The following LRRC37B variants were observed in gnomAD, a reference collection of about 807,000 sequenced individuals.
LRRC37B encodes leucine rich repeat containing 37B.
LRRC37B carries 28 observed loss-of-function variants against 98.3 expected under a neutral mutation model. The ratio of observed to expected loss-of-function variants is 0.28; its 90% CI spans 0.21 to 0.39. The LOEUF (loss-of-function observed/expected upper bound fraction) is 0.39. Ranked by LOEUF, LRRC37B falls within the 10% of genes least tolerant of loss-of-function variation. LRRC37B has a pLI of 1.00. For synonymous variants in LRRC37B, 364 were observed against 442.7 expected, an observed-to-expected ratio of 0.82 and a Z score of 2.23; for missense variants, 938 against 1,182.7, an observed-to-expected ratio of 0.79 and a Z score of 3.03.
chr17:32,040,495 G>T (rs1455278075), intron 7 of LRRC37B: 9 of 676,086 alleles, frequency 1.3e-5, no homozygotes, highest in Admixed American at 5.5e-5. Flanking sequence ...CAGTGAGAAG[G>T]TCGGAGGGGC....
At position 32,022,309 on chromosome 17, in the gene LRRC37B, A is replaced by C. The variant is rs140109047; in HGVS notation, c.1244A>C (p.Asp415Ala). ...TCTTCTACAGCCCTGAGGACTACAG[A>C]TCCTCCTCCAGAACACCCTGAGGTG... Residue 415 changes from aspartate (D) to alanine (A), a missense_variant, in exon 1 of 12, where the codon GAT (aspartate) becomes GCT (alanine). Physicochemically the swap from Asp to Ala is moderately radical, Grantham distance 126 (BLOSUM62 -2). This residue lies in a region of LRRC37B where 610 missense variants were observed against 625.6 expected (regional missense o/e 0.98). Transcript: ENST00000327564. 8.0e-5 allele frequency: 129 copies of C among 1,613,886 alleles called. No homozygotes were observed. In the Middle Eastern group the frequency reaches 8.3e-4, roughly 10 times the overall value.
At chr17:32,041,967 G>A in intron 7 of LRRC37B, 1 of 373,126 alleles carries the variant, frequency 2.7e-6, no homozygotes, top group South Asian at 2.0e-5. Flanking sequence ...TCCCTGTGGG[G>A]TGGCTCAGAG....
At position 32,015,550 on chromosome 17, in the gene LRRC37B, T is replaced by C. The variant is rs561463406; in HGVS notation, c.-190-2422T>C. ...GTTACACTTTTTCCTTCTAGAAACA[T>C]ACATTATACAGAGAGTTGTCTTTTG... On this transcript the variant is annotated intron_variant, in intron 1 of 14. Transcript: ENST00000543378. Among the ~76,000 whole-genome samples, 11 of 152,324 alleles carry C rather than the reference T, an allele frequency of 7.2e-5. No homozygotes were observed. In the South Asian group the frequency reaches 1.0e-3, roughly 14 times the overall value.
In LRRC37B at chr17:32,049,155, G is replaced by A. The variant is rs764460487; in HGVS notation, c.2518G>A (p.Glu840Lys). The A allele has an allele frequency of 8.7e-6, 14 of 1,613,912 alleles. No homozygotes were observed. The highest frequency in any genetic ancestry group is 5.0e-5 in the Admixed American group (3 of 59,982). The change falls in exon 10 of 12, where the codon GAG (glutamate) becomes AAG (lysine). Residue 840 changes from glutamate (E) to lysine (K), a missense_variant. Glu to Lys is a moderately conservative substitution (Grantham distance 56, BLOSUM62 1). Transcript: ENST00000327564. ...GCAGCTACGGTCCCTCATCCCCAAC[G>A]AGGATGTGAGAAAGTTCATGTCTCA...
upstream of LRRC37B, among the ~76,000 whole-genome samples, chr17:32,016,608 T>G (rs1447904329): frequency 3.9e-5 from 6 of 152,176 alleles, no homozygotes; most frequent in Non-Finnish European, 7.4e-5. Flanking sequence ...TCAGAATTAT[T>G]TGGGGAGAAG....
At chr17:32,029,481 A>G (rs567585624) in intron 3 of LRRC37B, among the ~76,000 whole-genome samples, 1 of 152,224 alleles carries the variant, frequency 6.6e-6, no homozygotes, top group South Asian at 2.1e-4. Flanking sequence ...TAGGAGGGAT[A>G]AATTGTTTCT....
chr17:32,034,357 C>T (rs1911183544), intron 5 of LRRC37B, among the ~76,000 whole-genome samples: 1 of 151,822 alleles, frequency 6.6e-6, no homozygotes, highest in South Asian at 2.1e-4. Flanking sequence ...CAAAAATTAG[C>T]TGGGCGTGGT....
intron 5 of LRRC37B, among the ~76,000 whole-genome samples, 187 bp downstream of exon 8, chr17:32,031,645 C>T (rs1368628213): frequency 3.3e-5 from 5 of 151,746 alleles, no homozygotes; most frequent in African/African-American, 4.8e-5. Flanking sequence ...TATATATGAC[C>T]TGCTCTGCTT....
At chr17:32,020,802 A>G (rs1193098060), upstream of LRRC37B, 2 of 639,674 alleles carry the variant, frequency 3.1e-6, no homozygotes, top group Non-Finnish European at 2.4e-6. Flanking sequence ...TCCCAAGGCC[A>G]GGTCCCGTGA....
At chr17:32,021,662 T>G in exon 1 of LRRC37B, 1 of 1,614,236 alleles carries the variant, frequency 6.2e-7, no homozygotes, top group Non-Finnish European at 8.5e-7. Context: ...ATGAAATACT[T>G]GTTCCACTAG....
intron 1 of LRRC37B, among the ~76,000 whole-genome samples, chr17:32,012,213 A>C (rs1279436416): frequency 5.9e-5 from 9 of 152,120 alleles, no homozygotes. Context: ...TGCTTGTTCT[A>C]GTGATTACTG....
intron 7 of LRRC37B, chr17:32,045,405 G>A: frequency 3.2e-6 from 1 of 311,176 alleles, no homozygotes; most frequent in Non-Finnish European, 6.1e-6. Context: ...TCAGCCCAAA[G>A]TGAGACTTTT....
chr17:32,052,183 C>T (rs1446540943), intron 11 of LRRC37B: 11 of 151,878 alleles, frequency 7.2e-5, no homozygotes, highest in Non-Finnish European at 1.0e-4. Flanking sequence ...CTCTTTCCTT[C>T]CTTTCCTTTC....
At chr17:32,014,306 C>G (rs908311415) in intron 1 of LRRC37B, among the ~76,000 whole-genome samples, 1 of 152,080 alleles carries the variant, frequency 6.6e-6, no homozygotes, top group Non-Finnish European at 1.5e-5. Flanking sequence ...GTGATAGAGC[C>G]GGTCCCCAGC....
intron 1 of LRRC37B, among the ~76,000 whole-genome samples, 172 bp downstream of exon 1, chr17:32,008,304 G>C (rs544583570): frequency 3.0e-4 from 46 of 152,274 alleles, no homozygotes; most frequent in African/African-American, 1.1e-3. Context: ...AGATTTATAA[G>C]AGGAAAGAAG....
At chr17:32,023,593 T>C (rs1910864935) in intron 1 of LRRC37B, among the ~76,000 whole-genome samples, 1 of 152,202 alleles carries the variant, frequency 6.6e-6, no homozygotes, top group Non-Finnish European at 1.5e-5. Flanking sequence ...TTCCTCCTTT[T>C]AAACTGGGGA....
chr17:32,041,922 C>T (rs1174934192), intron 7 of LRRC37B: 13 of 431,778 alleles, frequency 3.0e-5, no homozygotes, highest in Admixed American at 2.1e-4. Flanking sequence ...AGCCTACCCT[C>T]GAGTTCCACG....
intron 3 of LRRC37B, among the ~76,000 whole-genome samples, chr17:32,030,279 A>T (rs561600516): frequency 4.6e-5 from 7 of 152,224 alleles, no homozygotes; most frequent in South Asian, 4.2e-4. Flanking sequence ...AGGAAAACAA[A>T]GCTAAACTAG....
intron 1 of LRRC37B, among the ~76,000 whole-genome samples, chr17:32,012,433 T>C (rs1287405372): frequency 6.6e-6 from 1 of 152,142 alleles, no homozygotes; most frequent in Non-Finnish European, 1.5e-5. Flanking sequence ...AAACCATTAT[T>C]TGGCCAGGCA....
Sources: gnomAD v4.1 joint callset for allele counts (sites outside exome capture counted in the v4.1 genomes callset) on GRCh38, gnomAD v4.1.1 for gene constraint, gnomAD v4.1.1 regional missense constraint, MANE v1.5 for transcripts, NCBI Gene and HGNC (gene_info 2026-07-23, HGNC 2026-07-21) for gene names.